PKHD1L1: variants seen among roughly 807,000 people sequenced by gnomAD.
PKHD1L1 encodes PKHD1 like 1.
PKHD1L1 carries 434 observed loss-of-function variants against 462.9 expected under a neutral mutation model. The ratio of observed to expected loss-of-function variants is 0.94; its 90% CI spans 0.87 to 1.02. The LOEUF is 1.02. Among genes scored for constraint, PKHD1L1 ranks in the 50% least tolerant of loss-of-function variants. PKHD1L1 has a pLI of 0.00. For missense variants in PKHD1L1, 5,202 were observed against 5,096.1 expected, an observed-to-expected ratio of 1.02 and a Z score of -0.63; for synonymous variants, 1,781 against 1,750.0, an observed-to-expected ratio of 1.02 and a Z score of -0.44.
intron 6 of PKHD1L1, among the ~76,000 whole-genome samples, chr8:109,387,900 A>G (rs910153614): frequency 6.6e-6 from 1 of 152,192 alleles, no homozygotes; most frequent in Admixed American, 6.5e-5. Context: ...CTCCAATAGC[A>G]TCAGGTACTA....
At position 109,486,650 on chromosome 8, in the gene PKHD1L1, G is replaced by A; in HGVS notation, c.9709G>A (p.Glu3237Lys). ...ATCTAGCTGCCTTTATACTGCAGCT[G>A]AAAAATACCATGTCCCTGGAACTGG... Reference protein sequence around the residue: ...NDSLSYTHFAEKYHVPGTGES... With the variant: ...NDSLSYTHFAKKYHVPGTGES... Residue 3237 changes from glutamate to lysine, a missense_variant and splice_region_variant, in exon 59 of 78, where the codon GAA becomes AAA. Coordinates refer to ENST00000378402, the MANE Select transcript of PKHD1L1 (RefSeq NM_177531.6). 6.2e-7 allele frequency: 1 copy of A among 1,610,750 alleles called. No individual in the cohort carries two copies. Among genetic ancestry groups the A allele is most frequent in the African/African-American group, 1.3e-5 (1 of 74,826 alleles).
chr8:109,379,390 T>C (rs1236990388), intron 2 of PKHD1L1, among the ~76,000 whole-genome samples: 2 of 152,240 alleles, frequency 1.3e-5, no homozygotes, highest in Non-Finnish European at 2.9e-5. Flanking sequence ...ACAAGAAATG[T>C]ATTTTATAGT....
Position 109,412,316 on chromosome 8 carries a change from C to T in PKHD1L1, c.2137C>T (p.Arg713Cys), listed in dbSNP as rs779376221. The change falls in exon 20 of 78, where the codon CGT (arginine) becomes TGT (cysteine). Residue 713 changes from arginine (R) to cysteine (C), a missense_variant. Physicochemically the swap from Arg to Cys is radical, Grantham distance 180 (BLOSUM62 -3). Around this residue, in one of 3 missense-constraint regions of PKHD1L1, gnomAD observed 4,497 missense variants for 4,336.8 expected, o/e 1.04. Transcript: ENST00000378402. ...KTAETDAYCG[R>C]YSLKNPAVLF... ...AGCTGAAACCGATGCTTACTGTGGT[C>T]GTTATTCCCTGAAAAACCCAGCTGT... 1.9e-6 allele frequency: 3 copies of T among 1,613,604 alleles called. No homozygotes were observed. Among genetic ancestry groups the T allele is most frequent in the African/African-American group, 1.3e-5 (1 of 74,876 alleles).
At chr8:109,364,766 G>A (rs1391552474) in intron 2 of PKHD1L1, 130 bp downstream of exon 2, 3 of 642,280 alleles carry the variant, frequency 4.7e-6, no homozygotes, top group Non-Finnish European at 7.9e-6. Flanking sequence ...GGCCAGAATA[G>A]TAAAACTCTG....
At chr8:109,409,120 T>C (rs1813707554) in intron 18 of PKHD1L1, among the ~76,000 whole-genome samples, 1 of 152,260 alleles carries the variant, frequency 6.6e-6, no homozygotes, top group Admixed American at 6.5e-5. Context: ...CGACAATTAT[T>C]TCTGTGCTTT....
In PKHD1L1 at chr8:109,444,720, T is replaced by A. The variant is rs774498036; in HGVS notation, c.4851T>A (p.Cys1617Ter). 6.2e-7 allele frequency: 1 copy of A among 1,613,846 alleles called. No homozygotes were observed. Among genetic ancestry groups the A allele is most frequent in the Admixed American group, 1.7e-5 (1 of 60,020 alleles). ...AAAGTAGTGAGGATTCAATTACATG[T>A]CATATTGACCCTCAAAACTCAATGG... Reference protein sequence around the residue: ...VEESSEDSITCHIDPQNSMDV... With the variant: ...VEESSEDSIT Residue 1617 changes from cysteine (C) to a stop codon, truncating the protein, a stop_gained, in exon 38 of 78, where the codon TGT (cysteine) becomes TGA (stop). Coordinates refer to ENST00000378402, the MANE Select transcript of PKHD1L1 (RefSeq NM_177531.6). LOFTEE classifies it high-confidence loss of function.
chr8:109,445,238 C>G lies in PKHD1L1; in HGVS notation c.5369C>G (p.Ala1790Gly). Residue 1790 changes from alanine (A) to glycine (G), a missense_variant, in exon 38 of 78, where the codon GCA becomes GGA. This residue lies in a region of PKHD1L1 where 4,497 missense variants were observed against 4,336.8 expected (regional missense o/e 1.04). Transcript: ENST00000378402. ...AVFIGNQQFR[A>G]IEVNENNITA... ...TTCATTGGAAATCAACAGTTCAGAGCAATAGAGGTTAATGAAAACAACATC... is the reference window on the plus strand; with the variant it reads ...TTCATTGGAAATCAACAGTTCAGAGGAATAGAGGTTAATGAAAACAACATC... 1 of 1,613,972 alleles carries G rather than the reference C, an allele frequency of 6.2e-7. No individual in the cohort carries two copies. Among genetic ancestry groups the G allele is most frequent in the Non-Finnish European group, 8.5e-7 (1 of 1,179,878 alleles).
Position 109,504,728 on chromosome 8 carries a change from A to T in PKHD1L1, c.10994+236A>T, listed in dbSNP as rs78210229. Among the ~76,000 whole-genome samples, 446 of 152,280 alleles carry T rather than the reference A, an allele frequency of 2.9e-3. 13 individuals are homozygous for T. In the East Asian group the frequency reaches 0.075, roughly 26 times the overall value. On this transcript the variant is annotated intron_variant, in intron 68 of 77. Transcript: ENST00000378402. Reference sequence around the variant, plus strand: ...CTCCCATTGCTTTTTTTGTGTGTGAATCATCAATAACATCATCATTGTTAA... The same window carrying T: ...CTCCCATTGCTTTTTTTGTGTGTGATTCATCAATAACATCATCATTGTTAA...
At chr8:109,437,011 G>C (rs955143749) in intron 30 of PKHD1L1, among the ~76,000 whole-genome samples, 1 of 152,168 alleles carries the variant, frequency 6.6e-6, no homozygotes, top group Non-Finnish European at 1.5e-5. Context: ...TGCCTCCCGG[G>C]TTCAAGCGAT....
chr8:109,515,706 T>C (rs1820234433), intron 72 of PKHD1L1, among the ~76,000 whole-genome samples: 1 of 152,148 alleles, frequency 6.6e-6, no homozygotes, highest in Non-Finnish European at 1.5e-5. Context: ...ATAAGAATTA[T>C]TGCCAAGAAA....
intron 50 of PKHD1L1, among the ~76,000 whole-genome samples, chr8:109,468,040 T>C (rs148130525): frequency 6.6e-6 from 1 of 152,256 alleles, no homozygotes; most frequent in African/African-American, 2.4e-5. Context: ...TTGTTGAATT[T>C]CCCCCATTTA....
Position 109,456,398 on chromosome 8 carries a change from T to C in PKHD1L1, c.7004+7T>C. 6.3e-7 allele frequency: 1 copy of C among 1,599,080 alleles called. No individual in the cohort carries two copies. The highest frequency in any genetic ancestry group is 8.5e-7 in the Non-Finnish European group (1 of 1,172,278). On this transcript the variant is annotated splice_region_variant and intron_variant, in intron 46 of 77. Transcript: ENST00000378402. The stretch of plus-strand genomic sequence containing the variant: ...TTGCAAGCACAGGACACAGGTATGA[T>C]ATCTTCTGGGCTTAATGATGTGTAT...
intron 51 of PKHD1L1, 140 bp from the exon 52 acceptor site, chr8:109,476,368 A>T: frequency 1.8e-6 from 1 of 565,460 alleles, no homozygotes. Flanking sequence ...AACAAAATAG[A>T]AATTCAAGAC....
rs1231358921 is a variant in PKHD1L1, at chr8:109,452,865, C to T, written c.6655C>T (p.Leu2219Phe). The change falls in exon 43 of 78, where the codon CTT (leucine) becomes TTT (phenylalanine). Residue 2219 changes from leucine (L) to phenylalanine (F), a missense_variant. Transcript: ENST00000378402. ...AAGCACCCCTATTTTGAAAATGTTG[C>T]TTATTCAGGGTAAATTTCTGAATAT... ...DQSTPILKML[L>F]IQGGTLIFDE... The T allele has an allele frequency of 6.9e-7, 1 of 1,440,222 alleles. No homozygotes were observed. Among genetic ancestry groups the T allele is most frequent in the Non-Finnish European group, 9.2e-7 (1 of 1,091,890 alleles). 89.2% of individuals were successfully genotyped at this position (1,440,222 alleles called of 1,614,324 possible). A position where few individuals can be genotyped will look rare whatever the true frequency, so the allele number is the denominator to read the frequency against.
In PKHD1L1 at chr8:109,432,750, A is replaced by G. The variant is rs562883896; in HGVS notation, c.3230-356A>G. On this transcript the variant is annotated intron_variant, in intron 27 of 77. Coordinates refer to ENST00000378402, the MANE Select transcript of PKHD1L1 (RefSeq NM_177531.6). The stretch of plus-strand genomic sequence containing the variant: ...TTTATCCTTTCCTCATGAATTTGCA[A>G]TGGCAAGTCCATCATATACTAAGTT... Among the ~76,000 whole-genome samples, 6 of 152,338 alleles carry G rather than the reference A, an allele frequency of 3.9e-5. No homozygotes were observed. The East Asian group carries it at 9.6e-4, about 24-fold the overall frequency.
At chr8:109,459,548 T>G in intron 46 of PKHD1L1, 47 bp from the exon 47 acceptor site, 1 of 1,387,698 alleles carries the variant, frequency 7.2e-7, no homozygotes, top group Non-Finnish European at 9.6e-7. Context: ...CAATATGTTA[T>G]GTCAATTTAT....
At chr8:109,471,309 A>T (rs1817703921) in intron 50 of PKHD1L1, among the ~76,000 whole-genome samples, 1 of 152,074 alleles carries the variant, frequency 6.6e-6, no homozygotes, top group Non-Finnish European at 1.5e-5. Flanking sequence ...CTGGCATGTC[A>T]TTTGCACACA....
chr8:109,479,957 A>G, intron 54 of PKHD1L1, 34 bp from the exon 55 acceptor site: 1 of 1,514,300 alleles, frequency 6.6e-7, no homozygotes. Flanking sequence ...TAGTTTATGG[A>G]TTATGTTATA....
chr8:109,514,370 A>G (rs1316144768), intron 71 of PKHD1L1, among the ~76,000 whole-genome samples: 2 of 151,932 alleles, frequency 1.3e-5, no homozygotes, highest in Non-Finnish European at 2.9e-5. Flanking sequence ...TATTATTTCT[A>G]TTTTTTGTTT....
Sources: allele counts gnomAD v4.1 joint callset (sites outside exome capture counted in the v4.1 genomes callset), GRCh38; gene constraint gnomAD v4.1.1; regional missense constraint gnomAD v4.1.1; transcripts MANE v1.5; gene names NCBI Gene and HGNC (gene_info 2026-07-23, HGNC 2026-07-21).